Variants in CLEC12A observed in about 807,000 individuals in gnomAD.
CLEC12A encodes the protein C-type lectin domain family 12 member A.
Under a neutral mutation model 26.5 loss-of-function variants are expected in CLEC12A, and 22 were observed. The ratio of observed to expected loss-of-function variants is 0.83; its 90% CI spans 0.59 to 1.19. The LOEUF (loss-of-function observed/expected upper bound fraction) is 1.19, where lower values mean the gene tolerates loss of function less well. CLEC12A is among the 50% of genes most tolerant of loss of function. CLEC12A has a pLI of 0.00. For missense variants in CLEC12A, 353 were observed against 315.6 expected, an observed-to-expected ratio of 1.12 and a Z score of -0.90; for synonymous variants, 119 against 101.9, an observed-to-expected ratio of 1.17 and a Z score of -1.01.
chr12:9,986,929 G>A (rs376803606), downstream of CLEC12A, among the ~76,000 whole-genome samples: 2 of 152,254 alleles, frequency 1.3e-5, no homozygotes, highest in Non-Finnish European at 2.9e-5. Flanking sequence ...TAAAGTCTTA[G>A]TAAAATAACC....
In CLEC12A at chr12:9,979,481, A is replaced by T; in HGVS notation, c.336A>T (p.Thr112=). Reference sequence around the variant, plus strand: ...GGAACCTCTCCACCACACTGCAAACAATAGCCACCAAATTATGTCGTGAGC... The same window carrying T: ...GGAACCTCTCCACCACACTGCAAACTATAGCCACCAAATTATGTCGTGAGC... ...KIRNLSTTLQ[T]IATKLCRELY... Residue 112 remains threonine, a synonymous_variant, in exon 3 of 6, where the codon ACA becomes ACT. Coordinates refer to ENST00000304361, the MANE Select transcript of CLEC12A (RefSeq NM_138337.6). 1 of 1,613,386 alleles carries T rather than the reference A, an allele frequency of 6.2e-7. No individual in the cohort carries two copies. Among genetic ancestry groups the T allele is most frequent in the Non-Finnish European group, 8.5e-7 (1 of 1,179,642 alleles).
chr12:9,975,184 G>T (rs1245682628), intron 1 of CLEC12A, among the ~76,000 whole-genome samples: 2 of 152,072 alleles, frequency 1.3e-5, no homozygotes, highest in Admixed American at 6.5e-5. Flanking sequence ...GCAGTAAATT[G>T]GTACCAATAG....
At chr12:9,978,859 G>C in intron 1 of CLEC12A, 107 bp from the exon 2 acceptor site, 1 of 761,232 alleles carries the variant, frequency 1.3e-6, no homozygotes, top group South Asian at 1.6e-5. Context: ...CTTTCCAATA[G>C]GCATATTAGG....
intron 1 of CLEC12A, among the ~76,000 whole-genome samples, chr12:9,965,903 C>G (rs1017305861): frequency 6.6e-6 from 1 of 151,834 alleles, no homozygotes; most frequent in African/African-American, 2.4e-5. Context: ...TAGAGGTGTC[C>G]TATACTTGTG....
rs571865873 is a variant in CLEC12A at position 9,994,825 on chromosome 12, G to A, written n.1005-193G>A. ...AAAACACAAAAACACACACACATGTGCATGCGCGCACACACACACACACAC... is the reference window on the plus strand; with the variant it reads ...AAAACACAAAAACACACACACATGTACATGCGCGCACACACACACACACAC... On this transcript the variant is annotated intron_variant and non_coding_transcript_variant, in intron 4 of 4. Coordinates refer to the CLEC12A transcript ENST00000449959. Among the ~76,000 whole-genome samples the A allele has an allele frequency of 3.5e-5, 5 of 142,966 alleles. No homozygotes were observed. The South Asian group carries it at 1.1e-3, about 33-fold the overall frequency. 93.8% of individuals were successfully genotyped at this position (142,966 alleles called of 152,430 possible).
At chr12:9,998,556 C>T (rs930949003), downstream of CLEC12A, among the ~76,000 whole-genome samples, 37 of 130,566 alleles carry the variant, frequency 2.8e-4, 7 homozygotes, top group African/African-American at 9.5e-4. Context: ...TGGCCCACCC[C>T]TATACCATAC....
intron 1 of CLEC12A, among the ~76,000 whole-genome samples, chr12:9,973,013 T>G (rs920230076): frequency 1.3e-5 from 2 of 152,232 alleles, no homozygotes; most frequent in African/African-American, 2.4e-5. Context: ...CACGGAAATA[T>G]TGAATCCATG....
exon 5 of CLEC12A, chr12:9,995,584 G>T: frequency 2.9e-6 from 1 of 342,636 alleles, no homozygotes; most frequent in East Asian, 7.8e-5. Flanking sequence ...AACAGAGAAA[G>T]GAAATACAAA....
exon 5 of CLEC12A, chr12:9,995,554 G>A: frequency 2.8e-6 from 1 of 358,888 alleles, no homozygotes; most frequent in Non-Finnish European, 5.4e-6. Context: ...TACCAAATAT[G>A]ATTCAAAGGA....
chr12:9,985,642 A>C (rs1864747808), downstream of CLEC12A: 1 of 393,686 alleles, frequency 2.5e-6, no homozygotes, highest in Non-Finnish European at 4.5e-6. Context: ...GAGCTACTGT[A>C]AGCTTGGCTT....
intron 1 of CLEC12A, among the ~76,000 whole-genome samples, chr12:9,954,898 T>C (rs1863717620): frequency 6.6e-6 from 1 of 152,232 alleles, no homozygotes; most frequent in African/African-American, 2.4e-5. Context: ...GTTTGGGTTT[T>C]ACATTTGTCT....
At chr12:9,960,666 G>A (rs541252902) in intron 1 of CLEC12A, among the ~76,000 whole-genome samples, 3 of 152,260 alleles carry the variant, frequency 2.0e-5, no homozygotes, top group African/African-American at 7.2e-5. Context: ...AACCGGCCCC[G>A]TTATCTTATA....
At chr12:9,983,600 C>T (rs1060648) in intron 5 of CLEC12A, 440,087 of 660,804 alleles carry the variant, frequency 0.67, 149,118 homozygotes, top group East Asian at 0.89. Flanking sequence ...TCATTTAACA[C>T]GTTTTTAGTA....
intron 1 of CLEC12A, among the ~76,000 whole-genome samples, chr12:9,959,364 A>T (rs1211187202): frequency 6.6e-6 from 1 of 151,806 alleles, no homozygotes; most frequent in Admixed American, 6.6e-5. Flanking sequence ...AGGCAGGAGA[A>T]TCTCTTGAAC....
chr12:9,977,782 T>C (rs1039365382), intron 1 of CLEC12A, among the ~76,000 whole-genome samples: 3 of 152,196 alleles, frequency 2.0e-5, no homozygotes, highest in Admixed American at 1.3e-4. Flanking sequence ...CAGGAACTTG[T>C]ACATCTTGCT....
At chr12:9,998,281 C>A (rs757983081), downstream of CLEC12A, 2 of 1,613,300 alleles carry the variant, frequency 1.2e-6, no homozygotes, top group South Asian at 1.1e-5. Flanking sequence ...TCAACACTTA[C>A]ACCAAATCCC....
chr12:9,999,759 A>G (rs1183468388), downstream of CLEC12A, among the ~76,000 whole-genome samples: 2 of 152,220 alleles, frequency 1.3e-5, no homozygotes, highest in Non-Finnish European at 2.9e-5. Flanking sequence ...ATCAAGTAAA[A>G]TAATACAGAG....
chr12:9,951,741 G>A (rs1863613840), intron 1 of CLEC12A: 1 of 277,992 alleles, frequency 3.6e-6, no homozygotes, highest in African/African-American at 2.2e-5. Flanking sequence ...GTAGTTGTGG[G>A]AGATCAGGGT....
At chr12:10,003,031 G>A in the CLEC12A span, among the ~76,000 whole-genome samples, 1,001 of 152,266 alleles carry the variant, frequency 6.6e-3, 17 homozygotes, top group African/African-American at 0.022. Context: ...ACAAGATGTT[G>A]ACCACTGTGG....
Sources: gnomAD v4.1 joint callset for allele counts (sites outside exome capture counted in the v4.1 genomes callset) on GRCh38, gnomAD v4.1.1 for gene constraint, MANE v1.5 for transcripts, NCBI Gene and HGNC (gene_info 2026-07-23, HGNC 2026-07-21) for gene names.